The following KATNBL1 variants were observed in gnomAD, a reference collection of about 807,000 sequenced individuals.
KATNBL1 encodes katanin regulatory subunit B1 like 1, also known as KATNB1-like protein 1.
In KATNBL1, 28 loss-of-function variants were observed where a neutral mutation model predicts 44.7. The observed-to-expected ratio is 0.63, with a 90% CI of 0.46 to 0.86. The LOEUF is 0.86. Among genes scored for constraint, KATNBL1 ranks in the 40% least tolerant of loss-of-function variants. KATNBL1 has a pLI of 0.00. For missense variants in KATNBL1, 272 were observed against 350.7 expected (o/e 0.78, Z 1.79); for synonymous variants, 78 against 114.9 (o/e 0.68, Z 2.06).
rs1888172342 is a variant in KATNBL1 at position 34,142,288 on chromosome 15, C to T, written c.*51G>A. 2.0e-6 allele frequency: 3 copies of T among 1,476,672 alleles called. No homozygotes were observed. Among genetic ancestry groups the T allele is most frequent in the South Asian group, 1.4e-5 (1 of 71,658 alleles). 91.5% of individuals were successfully genotyped at this position (1,476,672 alleles called of 1,614,324 possible). ...AGACTTTTTTTTTTTGTAAATTATA[C>T]AGTTCAGGGATGTTTTGAAAAACCA... On this transcript the variant is annotated 3_prime_UTR_variant, in exon 10 of 10. Transcript: ENST00000256544.
intron 1 of KATNBL1, among the ~76,000 whole-genome samples, chr15:34,174,207 G>C (rs1889255046): frequency 6.6e-6 from 1 of 152,084 alleles, no homozygotes; most frequent in African/African-American, 2.4e-5. Context: ...CATAAAAAGA[G>C]GTAAGATTTC....
chr15:34,185,581 C>T (rs1209654605), intron 1 of KATNBL1, among the ~76,000 whole-genome samples: 1 of 152,156 alleles, frequency 6.6e-6, no homozygotes, highest in Non-Finnish European at 1.5e-5. Context: ...TGAATACCAT[C>T]ACACTCAAAA....
At chr15:34,155,364 A>T (rs2140914677) in intron 2 of KATNBL1, among the ~76,000 whole-genome samples, 1 of 152,292 alleles carries the variant, frequency 6.6e-6, no homozygotes, top group Admixed American at 6.5e-5. Flanking sequence ...AAGTTTTAGT[A>T]AGGGCTGTTT....
chr15:34,188,266 C>T lies in KATNBL1; in HGVS notation c.-15+21685G>A, dbSNP rs543232724. On this transcript the variant is annotated intron_variant, in intron 1 of 9. Transcript: ENST00000256544. ...CTCAGCTGTTAAAGGCTATAAATAGCGCAAATGAGCTGGGTGTGGTGGCTC... is the reference window on the plus strand; with the variant it reads ...CTCAGCTGTTAAAGGCTATAAATAGTGCAAATGAGCTGGGTGTGGTGGCTC... 8.7e-5 allele frequency among the ~76,000 whole-genome samples: 13 copies of T among 150,130 alleles called. No individual in the cohort carries two copies. The South Asian group carries it at 1.5e-3, about 17-fold the overall frequency.
At chr15:34,193,854 A>C (rs1889958507) in intron 1 of KATNBL1, among the ~76,000 whole-genome samples, 1 of 56,310 alleles carries the variant, frequency 1.8e-5, no homozygotes, top group Admixed American at 1.5e-4. Flanking sequence ...CCTGTCTCAA[A>C]AAAAAAAAAA....
intron 1 of KATNBL1, among the ~76,000 whole-genome samples, chr15:34,201,878 T>G (rs183163715): frequency 7.2e-5 from 11 of 152,342 alleles, no homozygotes; most frequent in Admixed American, 6.5e-4. Context: ...TAGACTTATT[T>G]TTCTCATCAC....
chr15:34,163,045 C>CTT (rs35514072), intron 2 of KATNBL1, among the ~76,000 whole-genome samples: 17,239 of 142,544 alleles, frequency 0.12, 1,182 homozygotes, highest in Non-Finnish European at 0.15. Flanking sequence ...TGACTAAAAA[C>CTT]TTTTTTTTTT....
At chr15:34,158,150 A>G (rs1252863220) in intron 2 of KATNBL1, among the ~76,000 whole-genome samples, 1 of 152,192 alleles carries the variant, frequency 6.6e-6, no homozygotes, top group Non-Finnish European at 1.5e-5. Context: ...CTAGGCAACT[A>G]TCTGTAACCT....
chr15:34,171,418 T>A (rs542507241), intron 1 of KATNBL1, among the ~76,000 whole-genome samples: 1 of 152,138 alleles, frequency 6.6e-6, no homozygotes, highest in East Asian at 1.9e-4. Flanking sequence ...ATGGTGATCA[T>A]TAAAAAGTCA....
At chr15:34,158,415 T>A (rs942158297) in intron 2 of KATNBL1, among the ~76,000 whole-genome samples, 7 of 152,216 alleles carry the variant, frequency 4.6e-5, no homozygotes, top group Admixed American at 2.0e-4. Context: ...AGGGGTTAAG[T>A]GAAAAACAGG....
intron 2 of KATNBL1, among the ~76,000 whole-genome samples, chr15:34,155,299 G>T (rs114810269): frequency 6.6e-6 from 1 of 152,046 alleles, no homozygotes; most frequent in Non-Finnish European, 1.5e-5. Flanking sequence ...TAGCTGTTCT[G>T]CTTGGTTTTC....
chr15:34,143,829 T>C (rs1298363875), intron 9 of KATNBL1, among the ~76,000 whole-genome samples: 1 of 141,142 alleles, frequency 7.1e-6, no homozygotes, highest in African/African-American at 2.6e-5. Flanking sequence ...TTGCCAGGCA[T>C]GGTGGTGGGC....
intron 9 of KATNBL1, chr15:34,144,898 T>G (rs968436962): frequency 4.4e-6 from 1 of 229,544 alleles, no homozygotes; most frequent in Non-Finnish European, 7.4e-6. Context: ...GTTTAAATAT[T>G]AAAATTCAAA....
At chr15:34,204,185 C>T (rs1208071149) in intron 1 of KATNBL1, among the ~76,000 whole-genome samples, 1 of 152,070 alleles carries the variant, frequency 6.6e-6, no homozygotes, top group African/African-American at 2.4e-5. Flanking sequence ...TCATGTGTAA[C>T]ATGAACTGAG....
chr15:34,154,597 C>CG, intron 3 of KATNBL1, 47 bp downstream of exon 3: 3 of 1,180,350 alleles, frequency 2.5e-6, no homozygotes, highest in Non-Finnish European at 3.8e-6. Context: ...CATCCTTACC[C>CG]AGCTTTCATA....
intron 9 of KATNBL1, chr15:34,142,846 GGAC>G (rs1888188534): frequency 6.7e-6 from 2 of 297,900 alleles, no homozygotes; most frequent in Admixed American, 4.9e-5. Context: ...CAAGTAGCTG[GGAC>G]TACAGGTGTG....
intron 3 of KATNBL1, among the ~76,000 whole-genome samples, chr15:34,153,575 A>ATT (rs902893247): frequency 6.8e-6 from 1 of 146,990 alleles, no homozygotes; most frequent in African/African-American, 2.5e-5. Context: ...TGACTCAAAA[A>ATT]TTTTTTTTTT....
chr15:34,198,438 C>T (rs1323234670), intron 1 of KATNBL1: 2 of 152,192 alleles, frequency 1.3e-5, no homozygotes, highest in Non-Finnish European at 2.9e-5. Flanking sequence ...AAAAACTGCT[C>T]TTGGAGTTAA....
At chr15:34,149,928 AATTT>A (rs1433184396) in intron 4 of KATNBL1, among the ~76,000 whole-genome samples, 3 of 152,182 alleles carry the variant, frequency 2.0e-5, no homozygotes, top group African/African-American at 7.2e-5. Flanking sequence ...TACATACCAT[AATTT>A]ATTTAGATTC....
Sources: allele counts gnomAD v4.1 joint callset (sites outside exome capture counted in the v4.1 genomes callset), GRCh38; gene constraint gnomAD v4.1.1; transcripts MANE v1.5; gene names NCBI Gene and HGNC (gene_info 2026-07-23, HGNC 2026-07-21).